The following SLC17A7 variants were observed in gnomAD, a reference collection of about 807,000 sequenced individuals.
SLC17A7 encodes the protein solute carrier family 17 member 7.
In SLC17A7, 15 loss-of-function variants were observed where a neutral mutation model predicts 59.1. The observed-to-expected ratio is 0.25, with a 90% CI of 0.17 to 0.39. The LOEUF (loss-of-function observed/expected upper bound fraction) is 0.39, where lower values mean the gene tolerates loss of function less well. Ranked by LOEUF, SLC17A7 falls within the 10% of genes least tolerant of loss-of-function variation. The pLI is 1.00. For synonymous variants in SLC17A7, 353 were observed against 308.9 expected, an observed-to-expected ratio of 1.14 and a Z score of -1.50; for missense variants, 499 against 765.1, an observed-to-expected ratio of 0.65 and a Z score of 4.10.
Position 49,434,823 on chromosome 19 carries a change from G to A in SLC17A7, c.494C>T (p.Ala165Val), listed in dbSNP as rs2122299011. 5.0e-6 allele frequency: 8 copies of A among 1,614,212 alleles called. No individual in the cohort carries two copies. Among genetic ancestry groups the A allele is most frequent in the Non-Finnish European group, 6.8e-6 (8 of 1,180,034 alleles). ...STLNMLIPSAARVHYGCVIFV... is the reference protein window; with the variant it reads ...STLNMLIPSAVRVHYGCVIFV... ...GATGACACAGCCATAGTGGACGCGGGCAGCTGAGGGGATCAGCATGTTTAG... is the reference window on the plus strand; with the variant it reads ...GATGACACAGCCATAGTGGACGCGGACAGCTGAGGGGATCAGCATGTTTAG... The change falls in exon 4 of 12, where the codon GCC (alanine) becomes GTC (valine). Residue 165 changes from alanine (A) to valine (V), a missense_variant. By Grantham distance (64) the Ala-to-Val change is moderately conservative (BLOSUM62 0). Transcript: ENST00000221485.
At chr19:49,434,534 G>A in intron 5 of SLC17A7, 68 bp downstream of exon 5, 1 of 1,134,574 alleles carries the variant, frequency 8.8e-7, no homozygotes, top group Non-Finnish European at 1.3e-6. Flanking sequence ...TCCCCGCTCA[G>A]ACCCAACAGT....
rs924774925 is a variant in SLC17A7 at position 49,430,282 on chromosome 19, G to T, written c.*237C>A. The T allele has an allele frequency of 2.3e-6, 1 of 439,270 alleles. No homozygotes were observed. The highest frequency in any genetic ancestry group is 4.0e-6 in the Non-Finnish European group (1 of 248,498). 27.2% of individuals were successfully genotyped at this position (439,270 alleles called of 1,614,324 possible). On this transcript the variant is annotated 3_prime_UTR_variant, in exon 12 of 12. Transcript: ENST00000221485. ...ATTTGAAACCACTGAGGCAGAACGG[G>T]TGGAGAGGGAACCTTTAGGGGAATT... is the stretch of plus-strand genomic sequence containing the variant.
chr19:49,435,442 CAATT>C (rs2078976432), intron 2 of SLC17A7, 156 bp from the exon 3 acceptor site: 2 of 627,572 alleles, frequency 3.2e-6, no homozygotes, highest in Non-Finnish European at 5.7e-6. Flanking sequence ...ATCTTTCTGT[CAATT>C]AAAGTCTACA....
At position 49,436,525 on chromosome 19, in the gene SLC17A7, G is replaced by T. The variant is rs1358840656; in HGVS notation, c.315+24C>A. 1.2e-6 allele frequency: 2 copies of T among 1,605,886 alleles called. No homozygotes were observed. Among genetic ancestry groups the T allele is most frequent in the Non-Finnish European group, 8.5e-7 (1 of 1,176,958 alleles). On this transcript the variant is annotated intron_variant, in intron 2 of 11. Coordinates refer to ENST00000221485, the MANE Select transcript of SLC17A7 (RefSeq NM_020309.4). The surrounding 1 kb of genome is among the most constrained non-coding windows in gnomAD (Gnocchi z 4.1). ...AGCTCGGTGAGCGGGGCGGGGCTCT[G>T]CAAGGGCTCAGGCCTTGAGCTACCT...
chr19:49,430,878 G>T, intron 11 of SLC17A7, 66 bp from the exon 12 acceptor site: 1 of 1,560,130 alleles, frequency 6.4e-7, no homozygotes, highest in South Asian at 1.2e-5. Flanking sequence ...GAGAGGGGGA[G>T]GCCTAGAGGA....
chr19:49,431,466 G>C lies in SLC17A7; in HGVS notation c.1151-18C>G. On this transcript the variant is annotated intron_variant, in intron 9 of 11. Coordinates refer to ENST00000221485, the MANE Select transcript of SLC17A7 (RefSeq NM_020309.4). This position sits in a 1 kb window ranked among gnomAD's most constrained non-coding sequence, Gnocchi z 4.6. The stretch of plus-strand genomic sequence containing the variant: ...GCCGAAGCCTACGGGGGCGGGGGGG[G>C]CCCGCGTCTCCTGAGTGTCGGCCGG... The C allele has an allele frequency of 6.2e-7, 1 of 1,604,922 alleles. No individual in the cohort carries two copies. The highest frequency in any genetic ancestry group is 1.1e-5 in the South Asian group (1 of 90,786).
intron 1 of SLC17A7, among the ~76,000 whole-genome samples, chr19:49,438,776 C>T (rs892260408): frequency 1.3e-4 from 20 of 152,088 alleles, no homozygotes; most frequent in Middle Eastern, 3.2e-3. Context: ...AGGTTGACAT[C>T]GGATGATATT....
Position 49,429,446 on chromosome 19 carries a change from TA to T in SLC17A7, c.*1072del, listed in dbSNP as rs2078949428. The T allele has an allele frequency of 2.5e-6, 1 of 399,016 alleles. No homozygotes were observed. Among genetic ancestry groups the T allele is most frequent in the Admixed American group, 4.4e-5 (1 of 22,704 alleles). 24.7% of individuals were successfully genotyped at this position (399,016 alleles called of 1,614,324 possible). A position where few individuals can be genotyped will look rare whatever the true frequency, so the allele number is the denominator to read the frequency against. On this transcript the variant is annotated 3_prime_UTR_variant, in exon 12 of 12. Transcript: ENST00000221485. ...ATTGGGAGTGGGGCAGGGCAGGATT[TA>T]CAGTCACAGAGACAGAGACACAAAG... is the stretch of plus-strand genomic sequence containing the variant.
chr19:49,432,738 T>C (rs2078965622), intron 8 of SLC17A7, 73 bp downstream of exon 8: 1 of 1,600,696 alleles, frequency 6.2e-7, no homozygotes, highest in African/African-American at 1.3e-5. Context: ...GGCTCCTCCC[T>C]GCCTCGGGAT....
At chr19:49,437,181 G>C (rs1192106985) in intron 1 of SLC17A7, 1 of 305,284 alleles carries the variant, frequency 3.3e-6, no homozygotes, top group African/African-American at 2.1e-5. Context: ...GAGTCTATTC[G>C]AGGAAGCAAA....
In SLC17A7 at chr19:49,436,533, T is replaced by A; in HGVS notation, c.315+16A>T. ...GAGCGGGGCGGGGCTCTGCAAGGGC[T>A]CAGGCCTTGAGCTACCTGCACCACC... On this transcript the variant is annotated intron_variant, in intron 2 of 11. Transcript: ENST00000221485. The surrounding 1 kb of genome is among the most constrained non-coding windows in gnomAD (Gnocchi z 4.1). The A allele has an allele frequency of 6.2e-7, 1 of 1,610,240 alleles. No homozygotes were observed. Among genetic ancestry groups the A allele is most frequent in the East Asian group, 2.2e-5 (1 of 44,864 alleles).
At position 49,433,826 on chromosome 19, in the gene SLC17A7, G is replaced by A; in HGVS notation, c.767C>T (p.Ser256Phe). 1 of 1,613,430 alleles carries A rather than the reference G, an allele frequency of 6.2e-7. No homozygotes were observed. ...IFWYLFWLLV[S>F]YESPALHPSI... ...GGGGTGCAGCGCGGGGGACTCGTAGGAGACGAGCAGCCAGAACAGGTACCA... is the reference window on the plus strand; with the variant it reads ...GGGGTGCAGCGCGGGGGACTCGTAGAAGACGAGCAGCCAGAACAGGTACCA... Residue 256 changes from serine (S) to phenylalanine (F), a missense_variant, in exon 7 of 12, where the codon TCC becomes TTC. Around this residue, in one of 3 missense-constraint regions of SLC17A7, gnomAD observed 323 missense variants for 607.2 expected, o/e 0.53. Transcript: ENST00000221485. The surrounding 1 kb of genome is among the most constrained non-coding windows in gnomAD (Gnocchi z 5.7).
chr19:49,430,911 G>C, intron 11 of SLC17A7, 99 bp from the exon 12 acceptor site: 5 of 1,551,548 alleles, frequency 3.2e-6, no homozygotes, highest in Non-Finnish European at 3.5e-6. Flanking sequence ...ACCCAGGGAG[G>C]CTGAAAAGGC....
chr19:49,434,744 G>A lies in SLC17A7; in HGVS notation c.549+24C>T, dbSNP rs779445969. On this transcript the variant is annotated intron_variant, in intron 4 of 11. Transcript: ENST00000221485. Reference sequence around the variant, plus strand: ...AAGAGGCAGGGTCCGAGCGAGGGCAGGGTCATATCAGGCGGGGATTTACCT... The same window carrying A: ...AAGAGGCAGGGTCCGAGCGAGGGCAAGGTCATATCAGGCGGGGATTTACCT... 15 of 1,613,924 alleles carry A rather than the reference G, an allele frequency of 9.3e-6. No individual in the cohort carries two copies. In the Admixed American group the frequency reaches 2.3e-4, roughly 25 times the overall value.
chr19:49,434,526 C>G, intron 5 of SLC17A7, 76 bp downstream of exon 5: 1 of 1,367,296 alleles, frequency 7.3e-7, no homozygotes, highest in South Asian at 1.4e-5. Flanking sequence ...CCAGCCCCTC[C>G]CCGCTCAGAC....
In SLC17A7 at chr19:49,436,163, G is replaced by C. The variant is rs56182524; in HGVS notation, c.315+386C>G. ...TCAAAAAAGGATCACATTCAGGGAGGAACCTGAGATGGGACTGAGATTAAA... is the reference window on the plus strand; with the variant it reads ...TCAAAAAAGGATCACATTCAGGGAGCAACCTGAGATGGGACTGAGATTAAA... On this transcript the variant is annotated intron_variant, in intron 2 of 11. Transcript: ENST00000221485. The surrounding 1 kb of genome is among the most constrained non-coding windows in gnomAD (Gnocchi z 4.1). The C allele has an allele frequency of 0.031, 6,978 of 225,974 alleles. 150 individuals carry two copies. Among genetic ancestry groups the C allele is most frequent in the South Asian group, 0.071 (852 of 11,944 alleles). 14.0% of individuals were successfully genotyped at this position (225,974 alleles called of 1,614,324 possible). A position where few individuals can be genotyped will look rare whatever the true frequency, so the allele number is the denominator to read the frequency against.
In SLC17A7 at chr19:49,430,821, G is replaced by A. The variant is rs370021385; in HGVS notation, c.1390-9C>T. The A allele has an allele frequency of 5.8e-5, 93 of 1,601,684 alleles. No homozygotes were observed. In the African/African-American group the frequency reaches 1.0e-3, roughly 18 times the overall value. ...TGCCACTCCTCCCGAGTCTGCAGGG[G>A]ACAATAGGGCTGAGGTCAAATGGGA... On this transcript the variant is annotated splice_polypyrimidine_tract_variant and intron_variant, in intron 11 of 11. Coordinates refer to ENST00000221485, the MANE Select transcript of SLC17A7 (RefSeq NM_020309.4).
intron 8 of SLC17A7, 38 bp downstream of exon 8, chr19:49,432,773 C>T (rs1359409072): frequency 6.3e-6 from 10 of 1,587,672 alleles, no homozygotes; most frequent in Non-Finnish European, 7.7e-6. Context: ...TCCCGCCGAC[C>T]CCTCCGCGCC....
intron 1 of SLC17A7, among the ~76,000 whole-genome samples, chr19:49,440,065 C>A (rs923148089): frequency 6.6e-6 from 1 of 152,162 alleles, no homozygotes; most frequent in Non-Finnish European, 1.5e-5. Context: ...TTCCCCTCCA[C>A]CACCAACCTC....
Sources: allele counts gnomAD v4.1 joint callset (sites outside exome capture counted in the v4.1 genomes callset), GRCh38; gene constraint gnomAD v4.1.1; regional missense constraint gnomAD v4.1.1; non-coding constraint Gnocchi (gnomAD v3.1); transcripts MANE v1.5; gene names NCBI Gene and HGNC (gene_info 2026-07-23, HGNC 2026-07-21).